Variants in HPSE2 observed in about 807,000 individuals in gnomAD.
HPSE2 encodes heparanase 2 (inactive).
In HPSE2, 38 loss-of-function variants were observed where a neutral mutation model predicts 60.5. That is an observed-to-expected ratio of 0.63 (90% confidence interval 0.48 to 0.82). HPSE2 has a LOEUF of 0.82. HPSE2 is among the 40% of genes least tolerant of loss of function. HPSE2 has a pLI of 0.00. For missense variants in HPSE2, 713 were observed against 740.4 expected, an observed-to-expected ratio of 0.96 and a Z score of 0.43; for synonymous variants, 295 against 293.2, an observed-to-expected ratio of 1.01 and a Z score of -0.06.
intron 5 of HPSE2, among the ~76,000 whole-genome samples, chr10:98,704,957 T>A (rs200520111): frequency 6.6e-6 from 1 of 151,918 alleles, no homozygotes; most frequent in Admixed American, 6.6e-5. Flanking sequence ...GAAACTACAA[T>A]CAGAGTAAAT....
At chr10:98,476,421 T>G (rs1316146168) in intron 11 of HPSE2, among the ~76,000 whole-genome samples, 1 of 149,566 alleles carries the variant, frequency 6.7e-6, no homozygotes, top group African/African-American at 2.5e-5. Flanking sequence ...TATATACATA[T>G]GTAACTAACC....
intron 7 of HPSE2, among the ~76,000 whole-genome samples, chr10:98,628,616 C>G (rs992461038): frequency 3.3e-5 from 5 of 152,102 alleles, no homozygotes; most frequent in African/African-American, 1.2e-4. Flanking sequence ...TTCTTCTGTT[C>G]CCAAATAGAC....
intron 4 of HPSE2, among the ~76,000 whole-genome samples, chr10:98,736,450 T>C (rs536377889): frequency 6.6e-6 from 1 of 152,286 alleles, no homozygotes; most frequent in South Asian, 2.1e-4. Context: ...AGAATTTTAG[T>C]GAGAGAACAT....
chr10:99,153,402 T>A (rs1187554646), intron 2 of HPSE2, among the ~76,000 whole-genome samples: 2 of 152,192 alleles, frequency 1.3e-5, no homozygotes. Flanking sequence ...CAGGTAGAGA[T>A]CTGAGAACGG....
At chr10:98,897,215 A>C (rs1953518314) in intron 3 of HPSE2, among the ~76,000 whole-genome samples, 1 of 152,148 alleles carries the variant, frequency 6.6e-6, no homozygotes, top group Non-Finnish European at 1.5e-5. Flanking sequence ...GGGATAAAAA[A>C]CTATTTATTG....
chr10:98,478,590 A>T (rs1322038846), intron 11 of HPSE2, among the ~76,000 whole-genome samples: 2 of 152,164 alleles, frequency 1.3e-5, no homozygotes, highest in African/African-American at 4.8e-5. Flanking sequence ...TTGGAAAACG[A>T]GCTCATTTTG....
chr10:98,733,322 A>C (rs943139166), intron 4 of HPSE2, among the ~76,000 whole-genome samples: 1 of 152,046 alleles, frequency 6.6e-6, no homozygotes, highest in Non-Finnish European at 1.5e-5. Flanking sequence ...GGGTTTCATT[A>C]TGTTTCCAAG....
At position 98,765,498 on chromosome 10, in the gene HPSE2, A is replaced by T. The variant is rs74650288; in HGVS notation, c.611-21442T>A. Among the ~76,000 whole-genome samples, 566 of 152,298 alleles carry T rather than the reference A, an allele frequency of 3.7e-3. 8 individuals are homozygous for T. The highest frequency in any genetic ancestry group is 0.013 in the African/African-American group (545 of 41,554). ...GAACATATCGAAATTTGTGTGATGT[A>T]GCCAAAGCAGTGCTTACAGGAAAAT... On this transcript the variant is annotated intron_variant, in intron 3 of 11. Coordinates refer to ENST00000370552, the MANE Select transcript of HPSE2 (RefSeq NM_021828.5).
chr10:98,947,351 A>G (rs556668176), intron 3 of HPSE2, among the ~76,000 whole-genome samples: 63 of 152,294 alleles, frequency 4.1e-4, no homozygotes, highest in African/African-American at 1.5e-3. Context: ...AAAAGCAAGG[A>G]CATATATGAC....
At chr10:99,105,523 T>G (rs1287792414) in intron 3 of HPSE2, among the ~76,000 whole-genome samples, 1 of 151,876 alleles carries the variant, frequency 6.6e-6, no homozygotes, top group Admixed American at 6.6e-5. Context: ...CTATTCTGGA[T>G]AGAAGACCTT....
At chr10:98,816,921 G>A (rs1253718339) in intron 3 of HPSE2, among the ~76,000 whole-genome samples, 1 of 151,896 alleles carries the variant, frequency 6.6e-6, no homozygotes, top group African/African-American at 2.4e-5. Context: ...TCAGAAGCAG[G>A]ACCTGAAGTA....
intron 3 of HPSE2, among the ~76,000 whole-genome samples, chr10:99,046,235 T>C (rs377529001): frequency 6.6e-6 from 1 of 152,124 alleles, no homozygotes; most frequent in Non-Finnish European, 1.5e-5. Flanking sequence ...AAAAACCATA[T>C]GATTACTTCA....
the HPSE2 span, among the ~76,000 whole-genome samples, chr10:99,289,871 G>T: frequency 6.6e-6 from 1 of 152,016 alleles, no homozygotes; most frequent in South Asian, 2.1e-4. Context: ...ACCAGCTAAC[G>T]AAAGGTTATA....
intron 3 of HPSE2, among the ~76,000 whole-genome samples, chr10:98,976,181 C>A (rs1564704593): frequency 6.6e-6 from 1 of 152,102 alleles, no homozygotes; most frequent in Non-Finnish European, 1.5e-5. Flanking sequence ...CCTGTCTCCT[C>A]TACAGGATAT....
chr10:99,144,241 T>C lies in HPSE2; in HGVS notation c.607A>G (p.Thr203Ala). ...FSNTYSNLIL[T>A]ARSLDKLYNF... is the part of the protein sequence containing the mutation. Reference sequence around the variant, plus strand: ...CAACCAACTCCAATAGCCTTACCTGTTAATATGAGATTACTGTAAGTATTG... The same window carrying C: ...CAACCAACTCCAATAGCCTTACCTGCTAATATGAGATTACTGTAAGTATTG... The change falls in exon 3 of 12, where the codon ACA (threonine) becomes GCA (alanine). Residue 203 changes from threonine to alanine, a missense_variant. By Grantham distance (58) the Thr-to-Ala change is moderately conservative. Coordinates refer to ENST00000370552, the MANE Select transcript of HPSE2 (RefSeq NM_021828.5). 6.2e-7 allele frequency: 1 copy of C among 1,613,804 alleles called. No individual in the cohort carries two copies. The highest frequency in any genetic ancestry group is 8.5e-7 in the Non-Finnish European group (1 of 1,179,958).
the HPSE2 span, among the ~76,000 whole-genome samples, chr10:99,308,793 C>T: frequency 1.3e-5 from 2 of 151,970 alleles, no homozygotes; most frequent in Non-Finnish European, 2.9e-5. Flanking sequence ...AGCATTCCTA[C>T]GTGGGATGAT....
At chr10:98,515,182 A>G (rs1942561666) in intron 9 of HPSE2, among the ~76,000 whole-genome samples, 2 of 152,140 alleles carry the variant, frequency 1.3e-5, no homozygotes, top group African/African-American at 4.8e-5. Flanking sequence ...TGGAACTTTA[A>G]GGAGACTGAT....
the HPSE2 span, among the ~76,000 whole-genome samples, chr10:99,305,967 G>A: frequency 8.2e-3 from 444 of 54,460 alleles, 7 homozygotes; most frequent in African/African-American, 0.026. Flanking sequence ...ACACACGCGC[G>A]CGCGCGCGCG....
intron 3 of HPSE2, among the ~76,000 whole-genome samples, chr10:98,916,433 T>C (rs12412209): frequency 0.027 from 4,037 of 152,288 alleles, 130 homozygotes; most frequent in East Asian, 0.16. Flanking sequence ...CTGCATCTAA[T>C]GAAGAGCAGA....
Sources: allele counts gnomAD v4.1 joint callset (sites outside exome capture counted in the v4.1 genomes callset), GRCh38; gene constraint gnomAD v4.1.1; transcripts MANE v1.5; gene names NCBI Gene and HGNC (gene_info 2026-07-23, HGNC 2026-07-21).